MKLN1: variants seen among roughly 807,000 people sequenced by gnomAD.
The protein encoded by MKLN1 is muskelin.
Under a neutral mutation model 99.0 loss-of-function variants are expected in MKLN1, and 18 were observed. That is an observed-to-expected ratio of 0.18 (90% confidence interval 0.13 to 0.27). The LOEUF is 0.27. Among genes scored for constraint, MKLN1 ranks in the 10% least tolerant of loss-of-function variants. The pLI, the probability that MKLN1 is intolerant of heterozygous loss-of-function variation, is 1.00. For synonymous variants in MKLN1, 288 were observed against 293.2 expected, an observed-to-expected ratio of 0.98 and a Z score of 0.18; for missense variants, 621 against 875.9, an observed-to-expected ratio of 0.71 and a Z score of 3.67.
At chr7:131,400,121 A>G (rs1794489997) in intron 6 of MKLN1, among the ~76,000 whole-genome samples, 1 of 152,070 alleles carries the variant, frequency 6.6e-6, no homozygotes, top group Non-Finnish European at 1.5e-5. Context: ...TGCACAATAT[A>G]AAACTTGTGG....
rs1793611751 is a variant in MKLN1, at chr7:131,375,421, C to T, written c.99-3C>T. ...TAATTTTTTAATACTTTCTTTATTC[C>T]AGGAACATTTTAGTGGACAAACCAA... On this transcript the variant is annotated splice_region_variant and splice_polypyrimidine_tract_variant and intron_variant, in intron 1 of 17. Coordinates refer to ENST00000352689, the MANE Select transcript of MKLN1 (RefSeq NM_013255.5). 3.1e-6 allele frequency: 5 copies of T among 1,601,150 alleles called. No homozygotes were observed. Among genetic ancestry groups the T allele is most frequent in the Non-Finnish European group, 4.3e-6 (5 of 1,168,738 alleles).
At chr7:131,159,095 G>A (rs1048359325) in intron 2 of MKLN1, among the ~76,000 whole-genome samples, 8 of 152,186 alleles carry the variant, frequency 5.3e-5, no homozygotes, top group Non-Finnish European at 1.2e-4. Context: ...TAGGGAGGCT[G>A]AAGTGAGAGG....
At chr7:131,382,367 T>C (rs1793878221) in intron 2 of MKLN1, among the ~76,000 whole-genome samples, 1 of 150,994 alleles carries the variant, frequency 6.6e-6, no homozygotes, top group South Asian at 2.1e-4. Flanking sequence ...AGAATCTTTC[T>C]CCCAAAAAAA....
At chr7:131,300,913 A>C (rs1798368962) in intron 3 of MKLN1, among the ~76,000 whole-genome samples, 1 of 152,210 alleles carries the variant, frequency 6.6e-6, no homozygotes, top group South Asian at 2.1e-4. Flanking sequence ...CTGCCATTGC[A>C]GTATTTGGTT....
intron 16 of MKLN1, among the ~76,000 whole-genome samples, chr7:131,476,869 G>GT (rs1562885853): frequency 2.0e-5 from 3 of 152,206 alleles, no homozygotes; most frequent in Admixed American, 2.0e-4. Flanking sequence ...AGACAGTGTG[G>GT]TACTGGCTTA....
In MKLN1 at chr7:131,256,371, C is replaced by T. The variant is rs57053104; in HGVS notation, c.-179+53397C>T. On this transcript the variant is annotated intron_variant, in intron 3 of 7. Transcript: ENST00000416992. ...GTGACCCCAGTCAGTAATTCATATCCACATAGAAGAACAAAAAGGACTAGT... is the reference window on the plus strand; with the variant it reads ...GTGACCCCAGTCAGTAATTCATATCTACATAGAAGAACAAAAAGGACTAGT... Among the ~76,000 whole-genome samples the T allele has an allele frequency of 5.0e-3, 757 of 152,244 alleles. 8 individuals are homozygous for T. Among genetic ancestry groups the T allele is most frequent in the African/African-American group, 0.018 (736 of 41,542 alleles).
chr7:131,189,933 A>G (rs1340276116), intron 2 of MKLN1, among the ~76,000 whole-genome samples: 1 of 152,194 alleles, frequency 6.6e-6, no homozygotes, highest in Non-Finnish European at 1.5e-5. Context: ...GGAAGAACAA[A>G]TGATGCTTCC....
At chr7:131,348,026 A>G (rs1360747331) in intron 1 of MKLN1, among the ~76,000 whole-genome samples, 1 of 152,218 alleles carries the variant, frequency 6.6e-6, no homozygotes, top group Non-Finnish European at 1.5e-5. Flanking sequence ...TCTAAGATAC[A>G]TAAGTGTGAG....
rs893992521 is a variant in MKLN1, at chr7:131,399,406, G to A, written c.676G>A (p.Glu226Lys). ...GTTGAAGGGTGATTTTGATGCTTGCGAAGAGTTGATTGAAAAGGCTGTAAA... is the reference window on the plus strand; with the variant it reads ...GTTGAAGGGTGATTTTGATGCTTGCAAAGAGTTGATTGAAAAGGCTGTAAA... The part of the protein sequence containing the change: ...LVLKGDFDAC[E>K]ELIEKAVNDG... Residue 226 changes from glutamate (E) to lysine (K), a missense_variant, in exon 6 of 18, where the codon GAA becomes AAA. By Grantham distance (56) the Glu-to-Lys change is moderately conservative (BLOSUM62 1). Coordinates refer to ENST00000352689, the MANE Select transcript of MKLN1 (RefSeq NM_013255.5). 1 of 1,613,794 alleles carries A rather than the reference G, an allele frequency of 6.2e-7. No individual in the cohort carries two copies. The highest frequency in any genetic ancestry group is 8.5e-7 in the Non-Finnish European group (1 of 1,179,882).
chr7:131,377,462 G>A (rs1208729847), intron 2 of MKLN1, among the ~76,000 whole-genome samples: 1 of 151,902 alleles, frequency 6.6e-6, no homozygotes, highest in Non-Finnish European at 1.5e-5. Flanking sequence ...GACTTACATT[G>A]TGTTTTTAAT....
chr7:131,265,176 G>T (rs1563272097), intron 3 of MKLN1, among the ~76,000 whole-genome samples: 1 of 152,072 alleles, frequency 6.6e-6, no homozygotes, highest in Non-Finnish European at 1.5e-5. Context: ...CTTCACTTGG[G>T]TAAGGAGGGG....
intron 4 of MKLN1, among the ~76,000 whole-genome samples, chr7:131,391,162 T>A (rs995117444): frequency 8.5e-5 from 13 of 152,136 alleles, no homozygotes; most frequent in Admixed American, 8.5e-4. Flanking sequence ...CAAAAGTTAT[T>A]CCAGTAAAGG....
At chr7:131,141,078 C>A (rs974991769) in intron 1 of MKLN1, among the ~76,000 whole-genome samples, 4 of 152,096 alleles carry the variant, frequency 2.6e-5, no homozygotes, top group African/African-American at 7.2e-5. Flanking sequence ...GCCACTGTAC[C>A]TGGCCTACAC....
intron 1 of MKLN1, among the ~76,000 whole-genome samples, chr7:131,141,995 G>A (rs996642680): frequency 6.6e-6 from 1 of 152,096 alleles, no homozygotes; most frequent in Non-Finnish European, 1.5e-5. Context: ...TTAAATTTCC[G>A]GCTGGGTGTG....
chr7:131,155,209 G>A (rs1012660945), intron 2 of MKLN1, among the ~76,000 whole-genome samples: 1 of 152,012 alleles, frequency 6.6e-6, no homozygotes, highest in Admixed American at 6.6e-5. Context: ...AAAATCCTGC[G>A]AAGTGCTCCT....
At chr7:131,206,550 ATTG>A (rs1223456855) in intron 3 of MKLN1, among the ~76,000 whole-genome samples, 72 of 148,382 alleles carry the variant, frequency 4.9e-4, no homozygotes, top group Middle Eastern at 3.5e-3. Context: ...TATTATTATT[ATTG>A]TTATTATTAT....
chr7:131,396,313 TC>T (rs1295166542), intron 4 of MKLN1, among the ~76,000 whole-genome samples: 1 of 152,224 alleles, frequency 6.6e-6, no homozygotes, highest in Non-Finnish European at 1.5e-5. Flanking sequence ...CCTCAAGTGA[TC>T]CTCTTGCCAC....
rs772545389 is a variant in MKLN1 at position 131,414,721 on chromosome 7, G to A, written c.847+11G>A. 3.4e-5 allele frequency: 53 copies of A among 1,579,866 alleles called. No individual in the cohort carries two copies. The highest frequency in any genetic ancestry group is 4.6e-5 in the Non-Finnish European group (53 of 1,164,058). ...TTGATGTTCAAACAGGTGAGTAGCA[G>A]TTGCAGTGGAAAGCAAAATCTTCAT... On this transcript the variant is annotated intron_variant, in intron 8 of 17. Coordinates refer to ENST00000352689, the MANE Select transcript of MKLN1 (RefSeq NM_013255.5).
rs191315703 is a variant in MKLN1, at chr7:131,235,097, G to A, written c.-179+32123G>A. Among the ~76,000 whole-genome samples, 92 of 152,112 alleles carry A rather than the reference G, an allele frequency of 6.0e-4. 3 individuals carry two copies. The highest frequency in any genetic ancestry group is 5.0e-3 in the Admixed American group (76 of 15,276). ...CACATATATATTTTTTTTATTCCAG[G>A]CAGTCTTCTTTGACTTATAGGTGGC... On this transcript the variant is annotated intron_variant, in intron 3 of 7. Coordinates refer to the MKLN1 transcript ENST00000416992.
Sources: allele counts gnomAD v4.1 joint callset (sites outside exome capture counted in the v4.1 genomes callset), GRCh38; gene constraint gnomAD v4.1.1; transcripts MANE v1.5; gene names NCBI Gene and HGNC (gene_info 2026-07-23, HGNC 2026-07-21).